Variants in SLIT1 observed in about 807,000 individuals in gnomAD.
The protein encoded by SLIT1 is slit guidance ligand 1.
Under a neutral mutation model 186.1 loss-of-function variants are expected in SLIT1, and 66 were observed. That is an observed-to-expected ratio of 0.35 (90% CI 0.29 to 0.44). SLIT1 has a LOEUF of 0.44. SLIT1 is among the 20% of genes least tolerant of loss of function. The probability of loss-of-function intolerance (pLI) is 1.00; values close to 1 mark genes in which losing one functional copy is unlikely to be tolerated. For missense variants in SLIT1, 1,638 were observed against 2,037.4 expected (o/e 0.80, Z 3.77); for synonymous variants, 761 against 833.8 (o/e 0.91, Z 1.50).
At chr10:97,090,094 C>T (rs934046459) in intron 4 of SLIT1, among the ~76,000 whole-genome samples, 4 of 152,176 alleles carry the variant, frequency 2.6e-5, no homozygotes, top group East Asian at 1.9e-4. Flanking sequence ...TTCTCAGGGC[C>T]GGACCACGGG....
chr10:97,159,826 C>T (rs973965112), intron 3 of SLIT1, among the ~76,000 whole-genome samples: 1 of 152,186 alleles, frequency 6.6e-6, no homozygotes, highest in Non-Finnish European at 1.5e-5. Flanking sequence ...CCCTCACCCT[C>T]CTGACTCTCA....
chr10:97,004,898 G>C lies in SLIT1; in HGVS notation c.3580-75C>G, dbSNP rs1848346941. On this transcript the variant is annotated intron_variant, in intron 32 of 36. Transcript: ENST00000266058. The surrounding 1 kb of genome is among the most constrained non-coding windows in gnomAD (Gnocchi z 5.1). ...CACAGGCTAGCAGATGGGGCAGAGA[G>C]GGCACCCAAGATTGGAAGAGAGATG... The C allele has an allele frequency of 1.3e-6, 2 of 1,563,568 alleles. No individual in the cohort carries two copies. The highest frequency in any genetic ancestry group is 2.2e-5 in the East Asian group (1 of 44,560).
At chr10:97,028,154 A>T (rs1295152406) in intron 25 of SLIT1, among the ~76,000 whole-genome samples, 3 of 152,084 alleles carry the variant, frequency 2.0e-5, no homozygotes, top group African/African-American at 4.8e-5. Context: ...TGCAACCAAA[A>T]ATTACCCAAC....
intron 4 of SLIT1, among the ~76,000 whole-genome samples, chr10:97,097,136 C>T (rs75234838): frequency 2.0e-4 from 31 of 152,306 alleles, no homozygotes; most frequent in African/African-American, 7.0e-4. Context: ...CCCACCCAAG[C>T]GCCTCCACGT....
chr10:97,032,340 G>A (rs1848598740), intron 23 of SLIT1, among the ~76,000 whole-genome samples: 1 of 152,138 alleles, frequency 6.6e-6, no homozygotes, highest in South Asian at 2.1e-4. Flanking sequence ...AAGCTGAGGT[G>A]GGCGGATCAC....
intron 4 of SLIT1, among the ~76,000 whole-genome samples, chr10:97,073,261 C>T (rs1163925548): frequency 3.9e-5 from 6 of 152,208 alleles, no homozygotes. Context: ...CATCAGTTTT[C>T]CGGGAGCTCT....
chr10:97,025,506 C>T (rs540508053), intron 25 of SLIT1, among the ~76,000 whole-genome samples: 1 of 152,234 alleles, frequency 6.6e-6, no homozygotes, highest in South Asian at 2.1e-4. Context: ...GCCCTCTCTT[C>T]GGTAGTACTT....
rs1850325341 is a variant in SLIT1 at position 97,180,744 on chromosome 10, T to A, written c.197+4734A>T. On this transcript the variant is annotated intron_variant, in intron 1 of 36. Coordinates refer to ENST00000266058, the MANE Select transcript of SLIT1 (RefSeq NM_003061.3). ...GGCAGAGATGCCCAGGAAAGGTAAATGAGCGCTCTAAACAGACAGACTGCG... is the reference window on the plus strand; with the variant it reads ...GGCAGAGATGCCCAGGAAAGGTAAAAGAGCGCTCTAAACAGACAGACTGCG... 2.0e-5 allele frequency among the ~76,000 whole-genome samples: 3 copies of A among 152,194 alleles called. No individual in the cohort carries two copies. The South Asian group carries it at 6.2e-4, about 31-fold the overall frequency.
chr10:97,127,685 C>T (rs944672533), intron 4 of SLIT1, among the ~76,000 whole-genome samples: 4 of 152,180 alleles, frequency 2.6e-5, no homozygotes, highest in Non-Finnish European at 5.9e-5. Context: ...CATGCGTAGT[C>T]ACATGGTGGC....
At chr10:97,051,812 A>AG (rs1491486340) in intron 13 of SLIT1, among the ~76,000 whole-genome samples, 1 of 18,062 alleles carries the variant, frequency 5.5e-5, no homozygotes, top group Non-Finnish European at 2.9e-4. Flanking sequence ...ACTCCATCTC[A>AG]AAAAAAAAAA....
intron 4 of SLIT1, among the ~76,000 whole-genome samples, chr10:97,080,628 G>C (rs1849094447): frequency 6.6e-6 from 1 of 152,182 alleles, no homozygotes; most frequent in African/African-American, 2.4e-5. Flanking sequence ...GGCTGGGGCG[G>C]GTTCACTATA....
chr10:97,048,141 G>A (rs1036608204), intron 14 of SLIT1, 145 bp from the exon 15 acceptor site: 15 of 848,888 alleles, frequency 1.8e-5, no homozygotes, highest in African/African-American at 6.6e-5. Flanking sequence ...GCAGAAGGGC[G>A]AGCTACAGAG....
chr10:97,014,277 T>G, intron 28 of SLIT1, 119 bp from the exon 29 acceptor site: 2 of 1,152,916 alleles, frequency 1.7e-6, no homozygotes, highest in Non-Finnish European at 2.5e-6. Context: ...GCCAGGCCCT[T>G]GCCAGGTGCT....
At chr10:97,011,628 G>A (rs528165348) in intron 30 of SLIT1, among the ~76,000 whole-genome samples, 3 of 152,224 alleles carry the variant, frequency 2.0e-5, no homozygotes, top group Non-Finnish European at 4.4e-5. Context: ...TTGACCTCAG[G>A]TAAGCCCCCA....
chr10:97,099,627 G>A (rs2134669443), intron 4 of SLIT1, among the ~76,000 whole-genome samples: 1 of 152,268 alleles, frequency 6.6e-6, no homozygotes, highest in African/African-American at 2.4e-5. Flanking sequence ...TGTCAGGTGT[G>A]CAGGGAGCGG....
In SLIT1 at chr10:97,034,483, T is replaced by C. The variant is rs1380654724; in HGVS notation, c.2426A>G (p.Gln809Arg). 1 of 1,613,654 alleles carries C rather than the reference T, an allele frequency of 6.2e-7. No homozygotes were observed. Among genetic ancestry groups the C allele is most frequent in the Non-Finnish European group, 8.5e-7 (1 of 1,179,644 alleles). The change falls in exon 23 of 37, where the codon CAG becomes CGG. Residue 809 changes from glutamine (Q) to arginine (R), a missense_variant. This residue lies in a region of SLIT1 where 1,245 missense variants were observed against 1,535.3 expected (regional missense o/e 0.81). Coordinates refer to ENST00000266058, the MANE Select transcript of SLIT1 (RefSeq NM_003061.3). ...LSNSSFTNMS[Q>R]LTTLILSYNA... The stretch of plus-strand genomic sequence containing the variant: ...TGCTGGGACTCACAGAGTGGTCAGC[T>C]GGCTCATGTTGGTGAAGGAGGAATT...
chr10:97,107,004 T>C (rs774614591), intron 4 of SLIT1, among the ~76,000 whole-genome samples: 5 of 152,258 alleles, frequency 3.3e-5, no homozygotes, highest in Admixed American at 6.5e-5. Context: ...CATTCAGAGC[T>C]GGCAGTAATC....
chr10:97,168,703 G>A (rs984765617), intron 1 of SLIT1, among the ~76,000 whole-genome samples: 2 of 152,302 alleles, frequency 1.3e-5, no homozygotes, highest in Admixed American at 1.3e-4. Flanking sequence ...AGTTTGATGA[G>A]CATTTGGGAG....
intron 13 of SLIT1, among the ~76,000 whole-genome samples, chr10:97,055,322 T>C (rs1848826929): frequency 6.6e-6 from 1 of 152,120 alleles, no homozygotes; most frequent in African/African-American, 2.4e-5. Context: ...TTATACAGGA[T>C]TGGAAGCTGG....
Sources: gnomAD v4.1 joint callset for allele counts (sites outside exome capture counted in the v4.1 genomes callset) on GRCh38, gnomAD v4.1.1 for gene constraint, gnomAD v4.1.1 regional missense constraint, Gnocchi (gnomAD v3.1) non-coding constraint, MANE v1.5 for transcripts, NCBI Gene and HGNC (gene_info 2026-07-23, HGNC 2026-07-21) for gene names.